The following DNAI4 variants were observed in gnomAD, a reference collection of about 807,000 sequenced individuals.
DNAI4 encodes the protein dynein axonemal intermediate chain 4.
Under a neutral mutation model 105.8 loss-of-function variants are expected in DNAI4, and 85 were observed. The ratio of observed to expected loss-of-function variants is 0.80; its 90% CI spans 0.67 to 0.96. DNAI4 has a LOEUF of 0.96. Among genes scored for constraint, DNAI4 ranks in the 40% least tolerant of loss-of-function variants. The pLI is 0.00. For missense variants in DNAI4, 1,014 were observed against 1,005.6 expected (o/e 1.01, Z -0.11); for synonymous variants, 352 against 331.5 (o/e 1.06, Z -0.67).
At chr1:66,895,231 T>C (rs1421974260) in intron 2 of DNAI4, among the ~76,000 whole-genome samples, 1 of 152,194 alleles carries the variant, frequency 6.6e-6, no homozygotes. Context: ...GTAATCCCAG[T>C]GCTCTGGGAG....
intron 3 of DNAI4, among the ~76,000 whole-genome samples, chr1:66,892,995 AAG>A (rs1553227537): frequency 2.2e-4 from 25 of 114,658 alleles, no homozygotes; most frequent in Admixed American, 9.0e-4. Context: ...GAAAGAAAGA[AAG>A]AGAGAAAGAG....
intron 16 of DNAI4, among the ~76,000 whole-genome samples, chr1:66,821,091 CTTTTT>C (rs55811909): frequency 1.2e-4 from 10 of 80,326 alleles, no homozygotes; most frequent in Admixed American, 1.7e-4. Flanking sequence ...AAACATTTCT[CTTTTT>C]TTTTTTTTTT....
At chr1:66,874,725 C>A in intron 5 of DNAI4, 56 bp downstream of exon 5, 6 of 1,548,246 alleles carry the variant, frequency 3.9e-6, no homozygotes, top group East Asian at 2.3e-5. Flanking sequence ...AGGATAAGAA[C>A]CCTTGGCTTA....
intron 4 of DNAI4, among the ~76,000 whole-genome samples, chr1:66,878,914 A>T (rs1226207322): frequency 6.6e-6 from 1 of 152,182 alleles, no homozygotes; most frequent in Admixed American, 6.5e-5. Flanking sequence ...TTATTTAGGT[A>T]TATACCCTTT....
chr1:66,924,635 A>G (rs555535237), intron 1 of DNAI4, 27 bp downstream of exon 1: 7 of 1,614,202 alleles, frequency 4.3e-6, no homozygotes, highest in African/African-American at 4.0e-5. Flanking sequence ...AGGGGGATGG[A>G]CTACGGTTTT....
At chr1:66,899,959 T>C (rs1314155776) in intron 2 of DNAI4, among the ~76,000 whole-genome samples, 1 of 152,248 alleles carries the variant, frequency 6.6e-6, no homozygotes, top group African/African-American at 2.4e-5. Flanking sequence ...TTGATTACTA[T>C]TGCTTTGTAA....
intron 2 of DNAI4, among the ~76,000 whole-genome samples, chr1:66,897,845 T>C (rs1648459495): frequency 6.6e-6 from 1 of 152,208 alleles, no homozygotes. Context: ...TGGGAGTCTA[T>C]GCAGAGATTT....
chr1:66,865,204 C>T (rs945378436), intron 6 of DNAI4, among the ~76,000 whole-genome samples: 3 of 152,166 alleles, frequency 2.0e-5, no homozygotes, highest in African/African-American at 7.2e-5. Flanking sequence ...AGGCAGATCA[C>T]TTGAGGTCAG....
At chr1:66,862,733 G>A (rs941653471) in intron 6 of DNAI4, among the ~76,000 whole-genome samples, 2 of 152,040 alleles carry the variant, frequency 1.3e-5, no homozygotes, top group Non-Finnish European at 2.9e-5. Context: ...ATGCTTTAAG[G>A]ATAACTCCAA....
At chr1:66,875,559 A>T (rs777632301) in intron 4 of DNAI4, among the ~76,000 whole-genome samples, 1 of 152,142 alleles carries the variant, frequency 6.6e-6, no homozygotes, top group Non-Finnish European at 1.5e-5. Context: ...GTCCTTGGAA[A>T]ATTCCATTGA....
intron 4 of DNAI4, among the ~76,000 whole-genome samples, chr1:66,881,484 T>C (rs951777580): frequency 1.3e-5 from 2 of 152,208 alleles, no homozygotes; most frequent in Non-Finnish European, 2.9e-5. Flanking sequence ...GAGATCATTT[T>C]TGAGTTTTAA....
intron 1 of DNAI4, among the ~76,000 whole-genome samples, chr1:66,908,621 GACTA>G (rs745710918): frequency 1.3e-5 from 2 of 152,038 alleles, no homozygotes; most frequent in Non-Finnish European, 2.9e-5. Context: ...CTATCTATTA[GACTA>G]ACTATACCCT....
intron 14 of DNAI4, among the ~76,000 whole-genome samples, chr1:66,827,363 A>G (rs1281026497): frequency 6.6e-6 from 1 of 152,184 alleles, no homozygotes; most frequent in Non-Finnish European, 1.5e-5. Context: ...TCATGACAAG[A>G]TATATAGCCA....
At chr1:66,835,841 G>A (rs1645974673) in intron 10 of DNAI4, 64 bp from the exon 11 acceptor site, 1 of 1,480,656 alleles carries the variant, frequency 6.8e-7, no homozygotes, top group African/African-American at 1.4e-5. Context: ...AGAATATAAT[G>A]GTGGCTGAGA....
chr1:66,878,113 T>C (rs1253374720), intron 4 of DNAI4, among the ~76,000 whole-genome samples: 1 of 152,212 alleles, frequency 6.6e-6, no homozygotes. Context: ...AGAATATCTA[T>C]ATAATTATTT....
At position 66,850,722 on chromosome 1, in the gene DNAI4, G is replaced by C. The variant is rs369253243; in HGVS notation, c.1097-3044C>G. Among the ~76,000 whole-genome samples, 6 of 151,934 alleles carry C rather than the reference G, an allele frequency of 3.9e-5. No homozygotes were observed. The East Asian group carries it at 9.7e-4, about 24-fold the overall frequency. On this transcript the variant is annotated intron_variant, in intron 7 of 16. Coordinates refer to ENST00000371026, the MANE Select transcript of DNAI4 (RefSeq NM_024763.5). ...AAATATTTAAGGCAAATATAAATGG[G>C]GGTGGAATCTAAAGGGAGGTAAGGT...
intron 13 of DNAI4, among the ~76,000 whole-genome samples, chr1:66,831,085 A>T (rs992619735): frequency 8.6e-5 from 13 of 151,838 alleles, no homozygotes; most frequent in African/African-American, 3.1e-4. Flanking sequence ...AATAAAATAG[A>T]CAAATTCCTT....
In DNAI4 at chr1:66,863,347, G is replaced by C. The variant is rs147827631; in HGVS notation, c.941-1045C>G. Among the ~76,000 whole-genome samples the C allele has an allele frequency of 6.0e-3, 918 of 152,244 alleles. 7 individuals are homozygous for C. Among genetic ancestry groups the C allele is most frequent in the Non-Finnish European group, 7.7e-3 (527 of 68,016 alleles). Reference sequence around the variant, plus strand: ...ACAGAATGTGGATCTAATAAATGCAGCCTCTTAATTGCTACAACTATTATT... The same window carrying C: ...ACAGAATGTGGATCTAATAAATGCACCCTCTTAATTGCTACAACTATTATT... On this transcript the variant is annotated intron_variant, in intron 6 of 16. Transcript: ENST00000371026.
At chr1:66,855,302 C>A (rs575234815) in intron 7 of DNAI4, among the ~76,000 whole-genome samples, 1 of 152,344 alleles carries the variant, frequency 6.6e-6, no homozygotes, top group Non-Finnish European at 1.5e-5. Flanking sequence ...ACTCTCTCTG[C>A]CTTCTGACCA....
Sources: allele counts gnomAD v4.1 joint callset (sites outside exome capture counted in the v4.1 genomes callset), GRCh38; gene constraint gnomAD v4.1.1; transcripts MANE v1.5; gene names NCBI Gene and HGNC (gene_info 2026-07-23, HGNC 2026-07-21).